Variants in CTNNA3 observed in about 807,000 individuals in gnomAD.
CTNNA3 encodes catenin alpha 3.
In CTNNA3, 76 loss-of-function variants were observed where a neutral mutation model predicts 95.7. That is an observed-to-expected ratio of 0.79 (90% CI 0.66 to 0.96). The LOEUF (loss-of-function observed/expected upper bound fraction) is 0.96. Among genes scored for constraint, CTNNA3 ranks in the 40% least tolerant of loss-of-function variants. The pLI, the probability that CTNNA3 is intolerant of heterozygous loss-of-function variation, is 0.00. For missense variants in CTNNA3, 1,191 were observed against 1,089.8 expected (o/e 1.09, Z -1.31); for synonymous variants, 431 against 374.4 (o/e 1.15, Z -1.74).
intron 14 of CTNNA3, among the ~76,000 whole-genome samples, chr10:66,080,636 C>T (rs1564623831): frequency 6.6e-6 from 1 of 152,136 alleles, no homozygotes; most frequent in Non-Finnish European, 1.5e-5. Context: ...ATAATAATTT[C>T]ACTGACTGAG....
intron 15 of CTNNA3, among the ~76,000 whole-genome samples, chr10:66,063,975 G>A (rs1263704545): frequency 6.6e-6 from 1 of 151,738 alleles, no homozygotes; most frequent in Non-Finnish European, 1.5e-5. Flanking sequence ...TTTTTTTGTT[G>A]TCATTGATTG....
At chr10:67,050,371 A>G (rs879560936) in intron 7 of CTNNA3, among the ~76,000 whole-genome samples, 1 of 152,198 alleles carries the variant, frequency 6.6e-6, no homozygotes, top group Non-Finnish European at 1.5e-5. Context: ...AGAGGAAAAT[A>G]TATCTTTAGC....
At chr10:66,233,353 A>C (rs2089686911) in intron 13 of CTNNA3, among the ~76,000 whole-genome samples, 1 of 152,082 alleles carries the variant, frequency 6.6e-6, no homozygotes, top group African/African-American at 2.4e-5. Context: ...ATTAAAATAA[A>C]AATTATTTTT....
chr10:66,724,166 T>C (rs966389414), intron 9 of CTNNA3, among the ~76,000 whole-genome samples: 3 of 152,142 alleles, frequency 2.0e-5, no homozygotes, highest in African/African-American at 7.2e-5. Flanking sequence ...AGTACTTGCA[T>C]GAAGGGAGCC....
chr10:66,252,866 T>A (rs1378780031), intron 13 of CTNNA3, among the ~76,000 whole-genome samples: 1 of 152,150 alleles, frequency 6.6e-6, no homozygotes, highest in Non-Finnish European at 1.5e-5. Context: ...TTTTAAATCG[T>A]TTTCATATTT....
At chr10:67,277,872 T>C (rs1425075963) in intron 5 of CTNNA3, among the ~76,000 whole-genome samples, 1 of 152,124 alleles carries the variant, frequency 6.6e-6, no homozygotes, top group Non-Finnish European at 1.5e-5. Flanking sequence ...GTTCTGGGAA[T>C]TGCCCACCCC....
chr10:66,512,256 T>C (rs1840689088), intron 11 of CTNNA3, among the ~76,000 whole-genome samples: 1 of 152,110 alleles, frequency 6.6e-6, no homozygotes, highest in Non-Finnish European at 1.5e-5. Context: ...TTATAGTCTA[T>C]GTGTGTTTTT....
At chr10:66,575,386 A>G (rs539163909) in intron 10 of CTNNA3, among the ~76,000 whole-genome samples, 2 of 152,266 alleles carry the variant, frequency 1.3e-5, no homozygotes, top group African/African-American at 4.8e-5. Flanking sequence ...TGCACAGCTG[A>G]TAAGTCTGCT....
chr10:67,143,425 T>TAAAAAAAAACAAAAAAAAAAAAAAAA lies in CTNNA3; in HGVS notation c.1047+36891_1047+36892insTTTTTTTTTTTTTTTTGTTTTTTTTT, dbSNP rs1860687297. On this transcript the variant is annotated intron_variant, in intron 7 of 17. Coordinates refer to ENST00000433211, the MANE Select transcript of CTNNA3 (RefSeq NM_013266.4). The stretch of plus-strand genomic sequence containing the variant: ...TGGGTGACTGAGCAAGGCTCTGTCT[T>TAAAAAAAAACAAAAAAAAAAAAAAAA]AAAAAAAAAAAAAAAAAAAAAATTA... 2.6e-5 allele frequency among the ~76,000 whole-genome samples: 2 copies of TAAAAAAAAACAAAAAAAAAAAAAAAA among 76,006 alleles called. 1 individual carries two copies. The highest frequency in any genetic ancestry group is 5.3e-5 in the Non-Finnish European group (2 of 38,042). 49.9% of individuals were successfully genotyped at this position (76,006 alleles called of 152,430 possible).
At chr10:67,706,617 AT>A (rs1841080446) in intron 1 of CTNNA3, among the ~76,000 whole-genome samples, 1 of 152,014 alleles carries the variant, frequency 6.6e-6, no homozygotes, top group Admixed American at 6.6e-5. Context: ...AGGGAGGGAG[AT>A]TTAAATTAGA....
intron 7 of CTNNA3, among the ~76,000 whole-genome samples, chr10:66,904,159 G>T (rs10997438): frequency 5.3e-5 from 8 of 152,114 alleles, no homozygotes; most frequent in African/African-American, 1.9e-4. Flanking sequence ...GCATGGTACT[G>T]GTACCAAAAC....
At chr10:66,224,824 G>T (rs2089181272) in intron 13 of CTNNA3, among the ~76,000 whole-genome samples, 1 of 151,964 alleles carries the variant, frequency 6.6e-6, no homozygotes, top group Non-Finnish European at 1.5e-5. Context: ...ACAGTTTTTT[G>T]AAAGCAGTCT....
intron 15 of CTNNA3, among the ~76,000 whole-genome samples, chr10:66,061,658 A>G (rs1236455637): frequency 6.6e-6 from 1 of 151,726 alleles, no homozygotes; most frequent in Non-Finnish European, 1.5e-5. Flanking sequence ...CTTCTTTTTC[A>G]TATTTTTTTT....
chr10:67,648,898 A>T, intron 1 of CTNNA3: 6 of 850,506 alleles, frequency 7.1e-6, no homozygotes, highest in Non-Finnish European at 9.7e-6. Flanking sequence ...TCTAGAACTG[A>T]AATGTTTTAG....
At chr10:66,281,191 C>T (rs1025196545) in intron 12 of CTNNA3, among the ~76,000 whole-genome samples, 1 of 151,872 alleles carries the variant, frequency 6.6e-6, no homozygotes, top group African/African-American at 2.4e-5. Context: ...TTGGCATTCT[C>T]ATATGAAAAC....
At chr10:67,417,216 G>A (rs1421015774) in intron 5 of CTNNA3, among the ~76,000 whole-genome samples, 1 of 152,036 alleles carries the variant, frequency 6.6e-6, no homozygotes, top group Non-Finnish European at 1.5e-5. Context: ...CAAATACCAC[G>A]TTTGCACTTA....
intron 12 of CTNNA3, among the ~76,000 whole-genome samples, chr10:66,330,809 C>T (rs1412946961): frequency 6.6e-6 from 1 of 151,116 alleles, no homozygotes; most frequent in African/African-American, 2.4e-5. Flanking sequence ...ATTTGCATTT[C>T]TCTGATGGCC....
chr10:67,614,372 T>A (rs1843579501), intron 2 of CTNNA3, among the ~76,000 whole-genome samples: 1 of 152,192 alleles, frequency 6.6e-6, no homozygotes, highest in South Asian at 2.1e-4. Context: ...TACATTGTAA[T>A]ATATATGAAA....
At position 67,142,169 on chromosome 10, in the gene CTNNA3, T is replaced by G. The variant is rs187622235; in HGVS notation, c.1047+38148A>C. 1.6e-3 allele frequency among the ~76,000 whole-genome samples: 243 copies of G among 152,072 alleles called. 1 individual carries two copies. Among genetic ancestry groups the G allele is most frequent in the African/African-American group, 5.6e-3 (232 of 41,518 alleles). ...ATATTAGGACGTAGTCGGGGGCAGG[T>G]GAGAGGAAAAAAAAGAGATATTATT... On this transcript the variant is annotated intron_variant, in intron 7 of 17. Coordinates refer to ENST00000433211, the MANE Select transcript of CTNNA3 (RefSeq NM_013266.4).
Sources: allele counts gnomAD v4.1 joint callset (sites outside exome capture counted in the v4.1 genomes callset), GRCh38; gene constraint gnomAD v4.1.1; transcripts MANE v1.5; gene names NCBI Gene and HGNC (gene_info 2026-07-23, HGNC 2026-07-21).